PLEKHA1: variants seen among roughly 807,000 people sequenced by gnomAD.
PLEKHA1 encodes the protein pleckstrin homology domain containing A1.
In PLEKHA1, 34 loss-of-function variants were observed where a neutral mutation model predicts 52.0. That is an observed-to-expected ratio of 0.65 (90% confidence interval 0.50 to 0.87). The LOEUF (loss-of-function observed/expected upper bound fraction) is 0.87, where lower values mean the gene tolerates loss of function less well. Among genes scored for constraint, PLEKHA1 ranks in the 40% least tolerant of loss-of-function variants. The pLI, the probability that PLEKHA1 is intolerant of heterozygous loss-of-function variation, is 0.00. For synonymous variants in PLEKHA1, 163 were observed against 170.7 expected, an observed-to-expected ratio of 0.95 and a Z score of 0.35; for missense variants, 497 against 504.2, an observed-to-expected ratio of 0.99 and a Z score of 0.14.
intron 11 of PLEKHA1, among the ~76,000 whole-genome samples, chr10:122,427,411 G>A (rs796945800): frequency 8.5e-5 from 13 of 152,246 alleles, no homozygotes; most frequent in African/African-American, 2.6e-4. Context: ...TTTTGTGAAC[G>A]TCTCAATTTC....
At chr10:122,382,054 G>A (rs2096622352) in intron 1 of PLEKHA1, among the ~76,000 whole-genome samples, 1 of 152,276 alleles carries the variant, frequency 6.6e-6, no homozygotes, top group South Asian at 2.1e-4. Flanking sequence ...AGGTCTGGGA[G>A]ATGAAATATT....
intron 2 of PLEKHA1, among the ~76,000 whole-genome samples, chr10:122,395,134 A>G (rs1049956150): frequency 6.6e-5 from 10 of 152,196 alleles, no homozygotes; most frequent in Non-Finnish European, 1.0e-4. Context: ...GGCAGAGATC[A>G]AAGCAAGAGA....
chr10:122,422,416 G>A (rs574246275), intron 8 of PLEKHA1: 1 of 152,284 alleles, frequency 6.6e-6, no homozygotes, highest in South Asian at 2.1e-4. Flanking sequence ...AACAGATCAG[G>A]GTTAACACAC....
At chr10:122,383,020 G>A (rs2096635985) in intron 1 of PLEKHA1, among the ~76,000 whole-genome samples, 1 of 152,172 alleles carries the variant, frequency 6.6e-6, no homozygotes, top group South Asian at 2.1e-4. Context: ...TTTTCTTACA[G>A]CCTCATCAGT....
chr10:122,429,562 C>T, intron 11 of PLEKHA1, 62 bp from the exon 12 acceptor site: 1 of 1,469,454 alleles, frequency 6.8e-7, no homozygotes, highest in Non-Finnish European at 9.4e-7. Flanking sequence ...TCAAGTCTCA[C>T]ACTGAGTTAC....
At chr10:122,408,051 C>T (rs1171773299) in intron 5 of PLEKHA1, among the ~76,000 whole-genome samples, 1 of 152,180 alleles carries the variant, frequency 6.6e-6, no homozygotes, top group African/African-American at 2.4e-5. Flanking sequence ...TAGGTTTGTG[C>T]AGTGTCAGGA....
At chr10:122,405,507 C>T (rs2096996556) in intron 4 of PLEKHA1, among the ~76,000 whole-genome samples, 1 of 151,404 alleles carries the variant, frequency 6.6e-6, no homozygotes, top group Non-Finnish European at 1.5e-5. Flanking sequence ...ATCTCAATAA[C>T]CAAAGAAATT....
At chr10:122,382,481 A>G (rs1249387769) in intron 1 of PLEKHA1, among the ~76,000 whole-genome samples, 1 of 152,194 alleles carries the variant, frequency 6.6e-6, no homozygotes, top group Non-Finnish European at 1.5e-5. Flanking sequence ...CTCCAATGTA[A>G]AGATACATTT....
chr10:122,397,109 C>A (rs1480344180), intron 2 of PLEKHA1, among the ~76,000 whole-genome samples: 1 of 152,046 alleles, frequency 6.6e-6, no homozygotes, highest in African/African-American at 2.4e-5. Flanking sequence ...ACATAGCCCC[C>A]CTCTCTCTTT....
chr10:122,424,315 G>A, intron 9 of PLEKHA1, 52 bp downstream of exon 9: 1 of 1,539,640 alleles, frequency 6.5e-7, no homozygotes. Flanking sequence ...ACACAGAATA[G>A]TGCCTTAGTT....
chr10:122,437,945 A>G, the PLEKHA1 span: 1 of 152,250 alleles, frequency 6.6e-6, no homozygotes, highest in East Asian at 1.9e-4. Context: ...GCTAGTAGCA[A>G]AAGTAGTCTT....
chr10:122,435,328 A>G (rs1236409596), downstream of PLEKHA1: 1 of 152,206 alleles, frequency 6.6e-6, no homozygotes, highest in African/African-American at 2.4e-5. Context: ...AATATGGCTG[A>G]ATTGAGGCTA....
intron 11 of PLEKHA1, among the ~76,000 whole-genome samples, chr10:122,427,829 C>T (rs556391617): frequency 3.3e-5 from 5 of 152,034 alleles, no homozygotes; most frequent in Non-Finnish European, 7.4e-5. Context: ...GCATGATAGC[C>T]TTTATTATCT....
At chr10:122,432,612 C>T (rs1323907223), downstream of PLEKHA1, 2 of 152,110 alleles carry the variant, frequency 1.3e-5, no homozygotes, top group Non-Finnish European at 2.9e-5. Context: ...TTCTCAAAAG[C>T]AGAATTATCA....
At chr10:122,376,664 A>G (rs993627179) in intron 1 of PLEKHA1, among the ~76,000 whole-genome samples, 1 of 152,076 alleles carries the variant, frequency 6.6e-6, no homozygotes, top group Non-Finnish European at 1.5e-5. Context: ...TTTTCTCCCC[A>G]GTTTTAGCAG....
chr10:122,389,415 A>G (rs993322677), intron 1 of PLEKHA1, among the ~76,000 whole-genome samples: 1 of 152,208 alleles, frequency 6.6e-6, no homozygotes, highest in Non-Finnish European at 1.5e-5. Context: ...TAAAATATTC[A>G]GTGGCTGGGC....
downstream of PLEKHA1, chr10:122,435,946 C>T (rs1251802831): frequency 6.6e-6 from 1 of 151,556 alleles, no homozygotes; most frequent in East Asian, 1.9e-4. Context: ...TTCCCCCCAA[C>T]AGCATCTTGA....
rs1350411994 is a variant in PLEKHA1 at position 122,413,040 on chromosome 10, A to G, written c.463A>G (p.Thr155Ala). The change falls in exon 6 of 12, where the codon ACT becomes GCT. Residue 155 changes from threonine (T) to alanine (A), a missense_variant. By Grantham distance (58) the Thr-to-Ala change is moderately conservative (BLOSUM62 0). Transcript: ENST00000368990. Reference sequence around the variant, plus strand: ...TGGTGGCGTACCCATCATTACTCCCACTCAGGTAATTAAGTAACTCTTCTA... The same window carrying G: ...TGGTGGCGTACCCATCATTACTCCCGCTCAGGTAATTAAGTAACTCTTCTA... Reference protein sequence around the residue: ...IVGGVPIITPTQKEEVNECGE... With the variant: ...IVGGVPIITPAQKEEVNECGE... 1 of 1,611,358 alleles carries G rather than the reference A, an allele frequency of 6.2e-7. No homozygotes were observed. The highest frequency in any genetic ancestry group is 8.5e-7 in the Non-Finnish European group (1 of 1,178,396).
chr10:122,385,000 T>C (rs1186015244), intron 1 of PLEKHA1, among the ~76,000 whole-genome samples: 1 of 152,124 alleles, frequency 6.6e-6, no homozygotes, highest in African/African-American at 2.4e-5. Flanking sequence ...TTTTTAACCT[T>C]TTGAAGTTAC....
Sources: gnomAD v4.1 joint callset for allele counts (sites outside exome capture counted in the v4.1 genomes callset) on GRCh38, gnomAD v4.1.1 for gene constraint, MANE v1.5 for transcripts, NCBI Gene and HGNC (gene_info 2026-07-23, HGNC 2026-07-21) for gene names.